The following ZNF608 variants were observed in gnomAD, a reference collection of about 807,000 sequenced individuals.
ZNF608 encodes renal carcinoma antigen NY-REN-36.
In ZNF608, 12 loss-of-function variants were observed where a neutral mutation model predicts 109.0. That is an observed-to-expected ratio of 0.11 (90% CI 0.07 to 0.18). The LOEUF is 0.18. Among genes scored for constraint, ZNF608 ranks in the 10% least tolerant of loss-of-function variants. The probability of loss-of-function intolerance (pLI) is 1.00; values close to 1 mark genes in which losing one functional copy is unlikely to be tolerated. For missense variants in ZNF608, 1,707 were observed against 1,879.3 expected (o/e 0.91, Z 1.70); for synonymous variants, 732 against 717.4 (o/e 1.02, Z -0.33).
At chr5:124,746,159 T>C (rs1027679521) in intron 1 of ZNF608, 36 bp downstream of exon 1, 12 of 984,756 alleles carry the variant, frequency 1.2e-5, no homozygotes, top group Non-Finnish European at 1.4e-5. Flanking sequence ...TAAATATACA[T>C]ACACACACAC....
chr5:124,731,549 G>A (rs917181824), intron 2 of ZNF608, among the ~76,000 whole-genome samples: 14 of 152,056 alleles, frequency 9.2e-5, no homozygotes, highest in African/African-American at 3.4e-4. Context: ...TTTTAGGCCA[G>A]GAGTGGTGGC....
intron 3 of ZNF608, among the ~76,000 whole-genome samples, chr5:124,692,785 A>T (rs560924540): frequency 6.6e-6 from 1 of 152,320 alleles, no homozygotes; most frequent in Non-Finnish European, 1.5e-5. Context: ...AGTCTCCTTT[A>T]TTAAAATATA....
intron 7 of ZNF608, 71 bp downstream of exon 7, chr5:124,643,440 A>G: frequency 6.8e-7 from 1 of 1,466,136 alleles, no homozygotes; most frequent in Non-Finnish European, 9.4e-7. Context: ...ATATTTCAAG[A>G]CTGTTCTCTA....
At chr5:124,694,146 T>TTC (rs1170804826) in intron 3 of ZNF608, among the ~76,000 whole-genome samples, 1 of 113,348 alleles carries the variant, frequency 8.8e-6, no homozygotes, top group Non-Finnish European at 1.7e-5. Context: ...CGGCTAATTT[T>TTC]TTTTTTTTTT....
chr5:124,691,443 C>T (rs12656846), intron 3 of ZNF608, among the ~76,000 whole-genome samples: 30,043 of 152,012 alleles, frequency 0.2, 2,986 homozygotes, highest in African/African-American at 0.22. Flanking sequence ...GTTAGGATAG[C>T]CATTATTTAA....
upstream of ZNF608, among the ~76,000 whole-genome samples, chr5:124,747,183 T>A (rs1209988897): frequency 2.6e-5 from 4 of 151,260 alleles, no homozygotes; most frequent in Non-Finnish European, 5.9e-5. Context: ...TTTTTTTTTT[T>A]AAGGCGACCC....
intron 6 of ZNF608, among the ~76,000 whole-genome samples, 191 bp from the exon 7 acceptor site, chr5:124,643,874 G>GA (rs1411779556): frequency 6.6e-6 from 1 of 152,214 alleles, no homozygotes; most frequent in Non-Finnish European, 1.5e-5. Context: ...TCATCCTGAT[G>GA]AAGGGAGGTT....
chr5:124,723,499 C>G (rs1250275319), intron 2 of ZNF608, among the ~76,000 whole-genome samples: 1 of 152,136 alleles, frequency 6.6e-6, no homozygotes, highest in Non-Finnish European at 1.5e-5. Context: ...ACCAGCCCAG[C>G]CAACATGGTG....
chr5:124,744,251 C>G lies in ZNF608; in HGVS notation c.739G>C (p.Ala247Pro), dbSNP rs746610114. Residue 247 changes from alanine (A) to proline (P), a missense_variant, in exon 2 of 10, where the codon GCG (alanine) becomes CCG (proline). Ala to Pro is a conservative substitution (Grantham distance 27). Around this residue, in one of 7 missense-constraint regions of ZNF608, gnomAD observed 407 missense variants for 398.7 expected, o/e 1.02. Coordinates refer to ENST00000513986, the MANE Select transcript of ZNF608 (RefSeq NM_020747.3). The surrounding 1 kb of genome is among the most constrained non-coding windows in gnomAD (Gnocchi z 4.5). ...GTGCCCCCGCAGTGGAAGGGGCTCGCGCCACCTCCATTGCTCTTGGCCCCA... is the reference window on the plus strand; with the variant it reads ...GTGCCCCCGCAGTGGAAGGGGCTCGGGCCACCTCCATTGCTCTTGGCCCCA... Reference protein sequence around the residue: ...GFGAKSNGGGASPFHCGGTGS... With the variant: ...GFGAKSNGGGPSPFHCGGTGS... The G allele has an allele frequency of 3.4e-5, 55 of 1,613,222 alleles. No homozygotes were observed. Among genetic ancestry groups the G allele is most frequent in the Non-Finnish European group, 6.8e-6 (8 of 1,179,840 alleles).
intron 8 of ZNF608, among the ~76,000 whole-genome samples, chr5:124,640,082 A>G (rs1365502242): frequency 6.6e-6 from 1 of 152,208 alleles, no homozygotes; most frequent in Admixed American, 6.5e-5. Context: ...TTTTAACACT[A>G]CTAGATGACA....
At chr5:124,652,624 G>C (rs1750841311) in intron 3 of ZNF608, among the ~76,000 whole-genome samples, 1 of 152,202 alleles carries the variant, frequency 6.6e-6, no homozygotes, top group Non-Finnish European at 1.5e-5. Context: ...AAACTACACA[G>C]TGTACTGTTT....
At chr5:124,733,863 ATATACCC>A (rs1322436909) in intron 2 of ZNF608, among the ~76,000 whole-genome samples, 8 of 152,232 alleles carry the variant, frequency 5.3e-5, no homozygotes, top group Non-Finnish European at 1.2e-4. Flanking sequence ...TTTAAATAAC[ATATACCC>A]TATATATCTA....
intron 3 of ZNF608, among the ~76,000 whole-genome samples, chr5:124,681,939 A>G (rs1752212596): frequency 6.6e-6 from 1 of 152,250 alleles, no homozygotes; most frequent in Non-Finnish European, 1.5e-5. Flanking sequence ...AAGTCTGAAG[A>G]AAAATGATTT....
rs35200784 is a variant in ZNF608, at chr5:124,660,172, C to CTGTG, written c.1163-10479_1163-10476dup. ...AACAGAAGAACTGCCTCTCTTAACT[C>CTGTG]TGTGTGTGTGTGTGTGTGTGTGAGA... On this transcript the variant is annotated intron_variant, in intron 3 of 9. Transcript: ENST00000513986. Among the ~76,000 whole-genome samples the CTGTG allele has an allele frequency of 2.1e-4, 32 of 150,372 alleles. No homozygotes were observed. In the South Asian group the frequency reaches 4.0e-3, roughly 19 times the overall value.
chr5:124,669,567 G>C (rs1475978518), intron 3 of ZNF608, among the ~76,000 whole-genome samples: 1 of 152,138 alleles, frequency 6.6e-6, no homozygotes, highest in Non-Finnish European at 1.5e-5. Context: ...TTAAGAATCA[G>C]CTTCCATTTT....
At chr5:124,643,163 T>C (rs1750326190) in intron 7 of ZNF608, among the ~76,000 whole-genome samples, 1 of 152,214 alleles carries the variant, frequency 6.6e-6, no homozygotes, top group Non-Finnish European at 1.5e-5. Context: ...ATATAAAATA[T>C]ACTCCTCTGT....
chr5:124,733,906 T>C (rs1242644546), intron 2 of ZNF608, among the ~76,000 whole-genome samples: 2 of 152,184 alleles, frequency 1.3e-5, no homozygotes, highest in East Asian at 3.9e-4. Context: ...TAGGTTTTGT[T>C]GAAACAAAAT....
At position 124,744,325 on chromosome 5, in the gene ZNF608, T is replaced by C. The variant is rs780980332; in HGVS notation, c.665A>G (p.Gln222Arg). Residue 222 changes from glutamine to arginine, a missense_variant, in exon 2 of 10, where the codon CAG becomes CGG. This residue lies in a region of ZNF608 where 407 missense variants were observed against 398.7 expected (regional missense o/e 1.02). Coordinates refer to ENST00000513986, the MANE Select transcript of ZNF608 (RefSeq NM_020747.3). The surrounding 1 kb of genome is among the most constrained non-coding windows in gnomAD (Gnocchi z 4.5). Reference sequence around the variant, plus strand: ...AGGGGCCTGGCTGCCACTGCCATTCTGGTGGCCCTGAAGCAGGTCGTGCTT... The same window carrying C: ...AGGGGCCTGGCTGCCACTGCCATTCCGGTGGCCCTGAAGCAGGTCGTGCTT... The part of the protein sequence containing the change: ...KDKHDLLQGH[Q>R]NGSGSQAPSG... 4.3e-5 allele frequency: 70 copies of C among 1,614,124 alleles called. 1 individual carries two copies. The South Asian group carries it at 6.8e-4, about 16-fold the overall frequency.
At chr5:124,720,225 C>A (rs4623140) in intron 2 of ZNF608, among the ~76,000 whole-genome samples, 26,535 of 152,024 alleles carry the variant, frequency 0.17, 2,630 homozygotes, top group Admixed American at 0.27. Flanking sequence ...TGGGGGCAAG[C>A]GGGGTGTCTC....
Sources: gnomAD v4.1 joint callset for allele counts (sites outside exome capture counted in the v4.1 genomes callset) on GRCh38, gnomAD v4.1.1 for gene constraint, gnomAD v4.1.1 regional missense constraint, Gnocchi (gnomAD v3.1) non-coding constraint, MANE v1.5 for transcripts, NCBI Gene and HGNC (gene_info 2026-07-23, HGNC 2026-07-21) for gene names.